The following RAB3C variants were observed in gnomAD, a reference collection of about 807,000 sequenced individuals.
RAB3C encodes the protein RAB3C, member RAS oncogene family, also known as ras-related protein Rab-3C.
RAB3C carries 17 observed loss-of-function variants against 26.4 expected under a neutral mutation model. The ratio of observed to expected loss-of-function variants is 0.64; its 90% confidence interval spans 0.44 to 0.97. The LOEUF (loss-of-function observed/expected upper bound fraction) is 0.97, where lower values mean the gene tolerates loss of function less well. RAB3C is among the 50% of genes least tolerant of loss of function. The pLI is 0.00. For missense variants in RAB3C, 242 were observed against 281.9 expected (o/e 0.86, Z 1.01); for synonymous variants, 91 against 95.9 (o/e 0.95, Z 0.30).
At chr5:58,613,715 T>C (rs1035099302) in intron 1 of RAB3C, among the ~76,000 whole-genome samples, 2 of 152,140 alleles carry the variant, frequency 1.3e-5, no homozygotes, top group Non-Finnish European at 2.9e-5. Flanking sequence ...TACTTTGGAC[T>C]AAGTAGGTAA....
At chr5:58,634,621 C>A (rs759901780) in intron 2 of RAB3C, among the ~76,000 whole-genome samples, 49 of 152,162 alleles carry the variant, frequency 3.2e-4, no homozygotes, top group Non-Finnish European at 7.4e-5. Context: ...AACATCCAAT[C>A]TCAGAAAGTT....
At position 58,857,255 on chromosome 5, in the gene RAB3C, G is replaced by T. The variant is rs542538473; in HGVS notation, c.*5904G>T. Reference sequence around the variant, plus strand: ...CAATTTATACAGTAAATATCTTATTGGTGTCATGTAAAACCCCTCTGTGCC... The same window carrying T: ...CAATTTATACAGTAAATATCTTATTTGTGTCATGTAAAACCCCTCTGTGCC... On this transcript the variant is annotated 3_prime_UTR_variant, in exon 5 of 5. Transcript: ENST00000282878. 58 of 152,070 alleles carry T rather than the reference G, an allele frequency of 3.8e-4. No individual in the cohort carries two copies. The highest frequency in any genetic ancestry group is 3.5e-3 in the Admixed American group (54 of 15,270). The allele number at this position is 152,070 out of a possible 1,614,324, so 9.4% of individuals were successfully genotyped here. A position where few individuals can be genotyped will look rare whatever the true frequency, so the allele number is the denominator to read the frequency against.
chr5:58,606,312 G>A (rs971888931), intron 1 of RAB3C, among the ~76,000 whole-genome samples: 43 of 152,206 alleles, frequency 2.8e-4, no homozygotes, highest in Non-Finnish European at 2.4e-4. Context: ...AGCAGTCTGA[G>A]ATTGACCTGC....
chr5:58,646,759 C>T (rs1239242770), intron 2 of RAB3C, among the ~76,000 whole-genome samples: 1 of 152,102 alleles, frequency 6.6e-6, no homozygotes, highest in Non-Finnish European at 1.5e-5. Flanking sequence ...GGAAAGCCGG[C>T]CCCATGCATC....
At chr5:58,635,150 C>T (rs1346446241) in intron 2 of RAB3C, among the ~76,000 whole-genome samples, 1 of 152,152 alleles carries the variant, frequency 6.6e-6, no homozygotes, top group Non-Finnish European at 1.5e-5. Context: ...ATCACGTGTC[C>T]AGAGTCACAA....
intron 3 of RAB3C, among the ~76,000 whole-genome samples, chr5:58,784,280 A>G (rs1742330237): frequency 6.6e-6 from 1 of 152,318 alleles, no homozygotes; most frequent in African/African-American, 2.4e-5. Context: ...TGGGTAATTT[A>G]TAAAGGAAAG....
chr5:58,601,371 G>C (rs1746449050), intron 1 of RAB3C, among the ~76,000 whole-genome samples: 1 of 152,052 alleles, frequency 6.6e-6, no homozygotes, highest in Non-Finnish European at 1.5e-5. Flanking sequence ...AATGAAGTAG[G>C]GAGGGTTCCT....
In RAB3C at chr5:58,781,576, AG is replaced by A. The variant is rs578126729; in HGVS notation, c.372-43461del. Among the ~76,000 whole-genome samples the A allele has an allele frequency of 3.7e-3, 563 of 152,066 alleles. 2 individuals are homozygous for A. Among genetic ancestry groups the A allele is most frequent in the Non-Finnish European group, 6.5e-3 (441 of 67,974 alleles). ...GCTTAATTCTTAGTTGAAAAAAAAAAGTAGGGTTGGGATGGAAACTCTATGT... is the reference window on the plus strand; with the variant it reads ...GCTTAATTCTTAGTTGAAAAAAAAAATAGGGTTGGGATGGAAACTCTATGT... On this transcript the variant is annotated intron_variant, in intron 3 of 4. Coordinates refer to ENST00000282878, the MANE Select transcript of RAB3C (RefSeq NM_138453.4).
At chr5:58,740,717 G>A (rs1196787354) in intron 3 of RAB3C, among the ~76,000 whole-genome samples, 1 of 152,122 alleles carries the variant, frequency 6.6e-6, no homozygotes, top group Non-Finnish European at 1.5e-5. Context: ...CTACTCAGGA[G>A]GCTGAGGCAG....
intron 2 of RAB3C, among the ~76,000 whole-genome samples, chr5:58,643,343 G>A (rs1171392988): frequency 6.6e-6 from 1 of 152,104 alleles, no homozygotes; most frequent in Admixed American, 6.5e-5. Flanking sequence ...CTTTTTCAGT[G>A]AATTTAGGAT....
At chr5:58,822,322 A>G (rs1378056670) in intron 3 of RAB3C, among the ~76,000 whole-genome samples, 1 of 152,232 alleles carries the variant, frequency 6.6e-6, no homozygotes, top group African/African-American at 2.4e-5. Flanking sequence ...TAACCACTCT[A>G]TGCCTCATTT....
At chr5:58,770,805 A>G (rs370220888) in intron 3 of RAB3C, among the ~76,000 whole-genome samples, 1 of 152,126 alleles carries the variant, frequency 6.6e-6, no homozygotes, top group African/African-American at 2.4e-5. Context: ...GTTATTTTAT[A>G]CCTTCTTATT....
intron 1 of RAB3C, among the ~76,000 whole-genome samples, chr5:58,605,625 C>T (rs752507388): frequency 2.0e-5 from 3 of 152,086 alleles, no homozygotes; most frequent in Non-Finnish European, 2.9e-5. Flanking sequence ...TGGCTGGGCG[C>T]GGTGGCTCAC....
intron 3 of RAB3C, among the ~76,000 whole-genome samples, chr5:58,738,140 C>T (rs180876510): frequency 9.6e-4 from 146 of 152,274 alleles, no homozygotes; most frequent in African/African-American, 3.4e-3. Context: ...CAAAGTTTCT[C>T]TTACTGTTTT....
At chr5:58,713,440 C>CT (rs1749104309) in intron 2 of RAB3C, among the ~76,000 whole-genome samples, 1 of 152,212 alleles carries the variant, frequency 6.6e-6, no homozygotes, top group Non-Finnish European at 1.5e-5. Context: ...AGATACCAGC[C>CT]TGTGATCTTG....
chr5:58,663,849 A>G (rs950642564), intron 2 of RAB3C, among the ~76,000 whole-genome samples: 1 of 152,218 alleles, frequency 6.6e-6, no homozygotes, highest in African/African-American at 2.4e-5. Context: ...GGAGTGTGAA[A>G]TAGTATGGCC....
At chr5:58,597,109 T>TATATAATACATAATATATATTATATAATA (rs1746311019) in intron 1 of RAB3C, among the ~76,000 whole-genome samples, 2 of 4,160 alleles carry the variant, frequency 4.8e-4, no homozygotes, top group Non-Finnish European at 4.0e-4. Context: ...TATTATATAA[T>TATATAATACATAATATATATTATATAATA]ATATATAATA....
At chr5:58,671,433 A>AAT (rs1748117347) in intron 2 of RAB3C, among the ~76,000 whole-genome samples, 1 of 152,210 alleles carries the variant, frequency 6.6e-6, no homozygotes, top group Admixed American at 6.5e-5. Flanking sequence ...GAAGCAAAGC[A>AAT]ATAATTGTTT....
At chr5:58,714,274 A>T (rs1380685116) in intron 2 of RAB3C, among the ~76,000 whole-genome samples, 1 of 152,178 alleles carries the variant, frequency 6.6e-6, no homozygotes, top group East Asian at 1.9e-4. Flanking sequence ...AATTAGATTT[A>T]CAGCAGACTT....
Sources: allele counts gnomAD v4.1 joint callset (sites outside exome capture counted in the v4.1 genomes callset), GRCh38; gene constraint gnomAD v4.1.1; transcripts MANE v1.5; gene names NCBI Gene and HGNC (gene_info 2026-07-23, HGNC 2026-07-21).